The following SND1 variants were observed in gnomAD, a reference collection of about 807,000 sequenced individuals.
The protein encoded by SND1 is staphylococcal nuclease domain-containing protein 1.
A neutral mutation model predicts 121.7 loss-of-function variants in SND1; 38 were observed. That is an observed-to-expected ratio of 0.31 (90% confidence interval 0.24 to 0.41). The LOEUF is 0.41. SND1 is among the 10% of genes least tolerant of loss of function. The probability of loss-of-function intolerance (pLI) is 1.00; values close to 1 mark genes in which losing one functional copy is unlikely to be tolerated. For missense variants in SND1, 868 were observed against 1,184.6 expected, an observed-to-expected ratio of 0.73 and a Z score of 3.92; for synonymous variants, 401 against 447.4, an observed-to-expected ratio of 0.90 and a Z score of 1.31.
At chr7:127,702,359 G>A (rs1357945543) in intron 5 of SND1, 76 bp from the exon 6 acceptor site, 6 of 1,316,970 alleles carry the variant, frequency 4.6e-6, no homozygotes, top group Non-Finnish European at 6.6e-6. Context: ...ACTGTGTTAA[G>A]TGCAGTTTGA....
chr7:127,751,938 G>C (rs1214138956), intron 10 of SND1, among the ~76,000 whole-genome samples: 6 of 152,218 alleles, frequency 3.9e-5, no homozygotes, highest in African/African-American at 1.4e-4. Flanking sequence ...CTGGTGTGCA[G>C]CTGTTGCCTG....
At chr7:127,923,990 T>C (rs1279195361) in intron 14 of SND1, among the ~76,000 whole-genome samples, 1 of 151,838 alleles carries the variant, frequency 6.6e-6, no homozygotes, top group Admixed American at 6.6e-5. Flanking sequence ...TCCACACTTT[T>C]TTTTTTTTCC....
chr7:127,886,795 G>A (rs1375399694), intron 12 of SND1, among the ~76,000 whole-genome samples: 1 of 142,290 alleles, frequency 7.0e-6, no homozygotes, highest in Non-Finnish European at 1.5e-5. Context: ...GTAGATGCAG[G>A]CCACATAGAG....
intron 15 of SND1, among the ~76,000 whole-genome samples, chr7:127,953,362 C>A (rs765662909): frequency 6.6e-6 from 1 of 152,026 alleles, no homozygotes. Flanking sequence ...ATTTTACCAC[C>A]CCACACACTT....
At chr7:127,780,534 T>G (rs1044438029) in intron 10 of SND1, among the ~76,000 whole-genome samples, 1 of 152,154 alleles carries the variant, frequency 6.6e-6, no homozygotes, top group Non-Finnish European at 1.5e-5. Context: ...AATTTCAGCA[T>G]TGTTGTATTT....
At chr7:127,974,748 T>C (rs80274836) in intron 15 of SND1, among the ~76,000 whole-genome samples, 1,703 of 152,328 alleles carry the variant, frequency 0.011, 49 homozygotes, top group African/African-American at 0.039. Context: ...GAAACACTTC[T>C]CTTGTTTTTG....
intron 10 of SND1, among the ~76,000 whole-genome samples, chr7:127,778,664 T>A (rs752649924): frequency 5.3e-5 from 8 of 152,224 alleles, no homozygotes; most frequent in Admixed American, 3.9e-4. Flanking sequence ...GTCTTGTCTG[T>A]AAAACGGTAA....
chr7:127,705,471 C>CT (rs1252417838), intron 8 of SND1, among the ~76,000 whole-genome samples: 1 of 152,182 alleles, frequency 6.6e-6, no homozygotes, highest in Admixed American at 6.5e-5. Context: ...GTGTTTTTGA[C>CT]TTGTTGGCTA....
At chr7:127,799,699 T>A (rs747612726) in intron 10 of SND1, among the ~76,000 whole-genome samples, 7 of 152,236 alleles carry the variant, frequency 4.6e-5, no homozygotes, top group Non-Finnish European at 8.8e-5. Flanking sequence ...ATATGCTAAA[T>A]GTATTGCGTT....
At position 127,772,112 on chromosome 7, in the gene SND1, G is replaced by A. The variant is rs1797522294; in HGVS notation, c.1153-35372G>A. Among the ~76,000 whole-genome samples, 5 of 152,300 alleles carry A rather than the reference G, an allele frequency of 3.3e-5. No homozygotes were observed. In the South Asian group the frequency reaches 1.0e-3, roughly 32 times the overall value. On this transcript the variant is annotated intron_variant, in intron 10 of 23. Transcript: ENST00000354725. The stretch of plus-strand genomic sequence containing the variant: ...TGCAGAGGGGCATTAGAGGTGGGGA[G>A]TGGAACATATATGTCAGTGAAAACT...
chr7:127,870,230 G>A (rs1272137482), intron 12 of SND1, among the ~76,000 whole-genome samples: 1 of 152,136 alleles, frequency 6.6e-6, no homozygotes. Context: ...AATACTTACT[G>A]TGCAGTAATC....
intron 16 of SND1, among the ~76,000 whole-genome samples, 186 bp from the exon 17 acceptor site, chr7:128,074,316 G>A (rs7810608): frequency 2.6e-5 from 4 of 152,228 alleles, no homozygotes; most frequent in East Asian, 1.9e-4. Context: ...GAAGAGAGTC[G>A]AGTTTTGGGG....
intron 10 of SND1, among the ~76,000 whole-genome samples, chr7:127,801,531 A>G (rs1460233710): frequency 1.3e-5 from 2 of 152,158 alleles, no homozygotes; most frequent in African/African-American, 2.4e-5. Flanking sequence ...ATCTGCATCC[A>G]TACACCTGCA....
intron 10 of SND1, among the ~76,000 whole-genome samples, chr7:127,788,171 T>TTC (rs577059225): frequency 6.6e-6 from 1 of 152,324 alleles, no homozygotes; most frequent in African/African-American, 2.4e-5. Flanking sequence ...AGTCAACCCT[T>TTC]TCTCTCTCTT....
intron 15 of SND1, 131 bp downstream of exon 15, chr7:127,929,460 T>TG (rs1296896352): frequency 1.1e-6 from 1 of 894,860 alleles, no homozygotes; most frequent in Non-Finnish European, 1.8e-6. Flanking sequence ...GGTTGGGATA[T>TG]GCAAACACAG....
At chr7:127,668,533 C>G (rs1034414970) in intron 1 of SND1, among the ~76,000 whole-genome samples, 1 of 152,058 alleles carries the variant, frequency 6.6e-6, no homozygotes, top group African/African-American at 2.4e-5. Flanking sequence ...AGAACAAGAC[C>G]AGGAAAAAAT....
chr7:127,680,013 T>A (rs1229225182), intron 1 of SND1, among the ~76,000 whole-genome samples: 1 of 152,124 alleles, frequency 6.6e-6, no homozygotes, highest in Non-Finnish European at 1.5e-5. Flanking sequence ...AAGCGTCGGC[T>A]GGTTTGAGAA....
At chr7:127,661,931 C>T (rs1380614462) in intron 1 of SND1, among the ~76,000 whole-genome samples, 1 of 152,018 alleles carries the variant, frequency 6.6e-6, no homozygotes, top group African/African-American at 2.4e-5. Context: ...GCCTGGCCAA[C>T]ATGGCAAAAC....
At chr7:127,859,432 C>T (rs1799339382) in intron 12 of SND1, among the ~76,000 whole-genome samples, 1 of 152,170 alleles carries the variant, frequency 6.6e-6, no homozygotes, top group Admixed American at 6.5e-5. Flanking sequence ...CTAAATAGAA[C>T]CAATAGGAAT....
Sources: allele counts gnomAD v4.1 joint callset (sites outside exome capture counted in the v4.1 genomes callset), GRCh38; gene constraint gnomAD v4.1.1; transcripts MANE v1.5; gene names NCBI Gene and HGNC (gene_info 2026-07-23, HGNC 2026-07-21).